The following SPTB variants were observed in gnomAD, a reference collection of about 807,000 sequenced individuals.
SPTB encodes the protein spectrin beta, erythrocytic, also known as spectrin beta chain, erythrocytic.
A neutral mutation model predicts 256.2 loss-of-function variants in SPTB; 45 were observed. The observed-to-expected ratio is 0.18, with a 90% CI of 0.14 to 0.23. SPTB has a LOEUF of 0.23. Ranked by LOEUF, SPTB falls within the 10% of genes least tolerant of loss-of-function variation. SPTB has a pLI of 1.00. For missense variants in SPTB, 2,715 were observed against 3,040.4 expected (o/e 0.89, Z 2.52); for synonymous variants, 1,231 against 1,243.1 (o/e 0.99, Z 0.21).
chr14:64,805,185 C>T lies in SPTB; in HGVS notation c.149-95G>A, dbSNP rs1220987986. 29 of 1,414,146 alleles carry T rather than the reference C, an allele frequency of 2.1e-5. No individual in the cohort carries two copies. The East Asian group carries it at 5.1e-4, about 25-fold the overall frequency. The allele number at this position is 1,414,146 out of a possible 1,614,324, so 87.6% of individuals were successfully genotyped here. On this transcript the variant is annotated intron_variant, in intron 2 of 35. Coordinates refer to ENST00000644917, the MANE Select transcript of SPTB (RefSeq NM_001355436.2). ...GTTTTACCTTAAGCCCAGGGTACCC[C>T]CATGCTTGGCAGAGGAAGTCGATGT...
At chr14:64,850,891 G>A (rs998231843) in intron 1 of SPTB, among the ~76,000 whole-genome samples, 12 of 152,184 alleles carry the variant, frequency 7.9e-5, no homozygotes, top group Non-Finnish European at 1.6e-4. Context: ...GGTGACAACT[G>A]AAGGACCAGC....
rs1238093921 is a variant in SPTB, at chr14:64,795,554, T to A, written c.1427A>T (p.Glu476Val). ...CAGGTCCTCCAGGGCTCTCACCCGC[T>A]CCTCGTAGGCAGCCGTGTCGGTCTC... Reference protein sequence around the residue: ...AIETDTAAYEERVRALEDLAQ... With the variant: ...AIETDTAAYEVRVRALEDLAQ... The change falls in exon 12 of 36, where the codon GAG becomes GTG. Residue 476 changes from glutamate to valine, a missense_variant. Physicochemically the swap from Glu to Val is moderately radical, Grantham distance 121. Transcript: ENST00000644917. This position sits in a 1 kb window ranked among gnomAD's most constrained non-coding sequence, Gnocchi z 6.5. 1 of 1,614,064 alleles carries A rather than the reference T, an allele frequency of 6.2e-7. No homozygotes were observed. Among genetic ancestry groups the A allele is most frequent in the Admixed American group, 1.7e-5 (1 of 60,006 alleles).
At position 64,802,198 on chromosome 14, in the gene SPTB, G is replaced by A; in HGVS notation, c.566+28C>T. ...GCGGAGCAAGGGGCTGGTGGTGGATGTGCTAACAGCTGGTTCCCAGGGCAT... is the reference window on the plus strand; with the variant it reads ...GCGGAGCAAGGGGCTGGTGGTGGATATGCTAACAGCTGGTTCCCAGGGCAT... On this transcript the variant is annotated intron_variant, in intron 5 of 35. Coordinates refer to ENST00000644917, the MANE Select transcript of SPTB (RefSeq NM_001355436.2). This position sits in a 1 kb window ranked among gnomAD's most constrained non-coding sequence, Gnocchi z 5.1. 1 of 1,606,556 alleles carries A rather than the reference G, an allele frequency of 6.2e-7. No homozygotes were observed. The highest frequency in any genetic ancestry group is 8.5e-7 in the Non-Finnish European group (1 of 1,173,080).
At position 64,799,734 on chromosome 14, in the gene SPTB, C is replaced by T. The variant is rs530419270; in HGVS notation, c.1064+13G>A. The T allele has an allele frequency of 1.9e-6, 3 of 1,613,932 alleles. No homozygotes were observed. The highest frequency in any genetic ancestry group is 2.5e-6 in the Non-Finnish European group (3 of 1,180,004). ...CCACTGAGGACCACCCTCCCATGTG[C>T]CAGGGCCCTTACTTGGGCGGCTTCT... On this transcript the variant is annotated intron_variant, in intron 9 of 35. Transcript: ENST00000644917.
At chr14:64,872,900 C>T (rs1465820048) in intron 1 of SPTB, among the ~76,000 whole-genome samples, 1 of 152,236 alleles carries the variant, frequency 6.6e-6, no homozygotes, top group Non-Finnish European at 1.5e-5. Context: ...CCTCCTTTGC[C>T]TTCTGCCATG....
rs1034883705 is a variant in SPTB, at chr14:64,866,680, C to T, written c.-52+13112G>A. 1.3e-5 allele frequency among the ~76,000 whole-genome samples: 2 copies of T among 152,008 alleles called. No homozygotes were observed. Among genetic ancestry groups the T allele is most frequent in the Non-Finnish European group, 2.9e-5 (2 of 68,004 alleles). The stretch of plus-strand genomic sequence containing the variant: ...CTCAGAGGCCTGAGCAAGCAGAATT[C>T]GGGTGAGTCCAGCCGTTGGTGAGGC... On this transcript the variant is annotated intron_variant, in intron 1 of 35. Coordinates refer to ENST00000644917, the MANE Select transcript of SPTB (RefSeq NM_001355436.2). The surrounding 1 kb of genome is among the most constrained non-coding windows in gnomAD (Gnocchi z 4.6).
rs767167668 is a variant in SPTB at position 64,785,829 on chromosome 14, C to T, written c.3684G>A (p.Val1228=). 1.2e-6 allele frequency: 2 copies of T among 1,614,080 alleles called. No individual in the cohort carries two copies. Among genetic ancestry groups the T allele is most frequent in the Non-Finnish European group, 1.7e-6 (2 of 1,180,028 alleles). ...CAGCTACCAGCTTGTTTCCAGAGTC[C>T]ACAGGACTCAAGACCTTATCCCGGT... ...ENNRDKVLSP[V]DSGNKLVAEG... The change falls in exon 17 of 36, where the codon GTG becomes GTA. Residue 1228 remains valine (V), a synonymous_variant. Transcript: ENST00000644917. The surrounding 1 kb of genome is among the most constrained non-coding windows in gnomAD (Gnocchi z 4.4).
chr14:64,784,533 G>T, intron 18 of SPTB, 140 bp from the exon 19 acceptor site: 2 of 1,160,016 alleles, frequency 1.7e-6, no homozygotes, highest in South Asian at 2.6e-5. Flanking sequence ...CTGCAGTTCT[G>T]GATCCCTCTG....
Position 64,879,856 on chromosome 14 carries a change from G to T in SPTB, c.-116C>A. The T allele has an allele frequency of 6.5e-6, 1 of 154,210 alleles. No homozygotes were observed. The highest frequency in any genetic ancestry group is 1.8e-4 in the South Asian group (1 of 5,548). 9.6% of individuals were successfully genotyped at this position (154,210 alleles called of 1,614,324 possible). ...GGTGGCGGCGGCGGCGGCGCAGGGG[G>T]AGGAGGGCAGCGCGGGGCTCCTGGC... is the stretch of plus-strand genomic sequence containing the variant. On this transcript the variant is annotated 5_prime_UTR_variant, in exon 1 of 36. Coordinates refer to ENST00000644917, the MANE Select transcript of SPTB (RefSeq NM_001355436.2).
chr14:64,778,581 G>A lies in SPTB; in HGVS notation c.4563+576C>T, dbSNP rs17102094. Among the ~76,000 whole-genome samples the A allele has an allele frequency of 0.021, 3,171 of 152,316 alleles. 128 individuals are homozygous for A. Among genetic ancestry groups the A allele is most frequent in the African/African-American group, 0.072 (2,980 of 41,566 alleles). ...CAGGATCCTGACCAGGGCCACAGGAGTTCCCAATCAGGGCTAAGCGAGTGC... is the reference window on the plus strand; with the variant it reads ...CAGGATCCTGACCAGGGCCACAGGAATTCCCAATCAGGGCTAAGCGAGTGC... On this transcript the variant is annotated intron_variant, in intron 22 of 35. Coordinates refer to ENST00000644917, the MANE Select transcript of SPTB (RefSeq NM_001355436.2). The surrounding 1 kb of genome is among the most constrained non-coding windows in gnomAD (Gnocchi z 5.2).
intron 32 of SPTB, chr14:64,756,028 A>G (rs2082012243): frequency 6.6e-6 from 1 of 152,252 alleles, no homozygotes; most frequent in South Asian, 2.1e-4. Context: ...TGGGGCGAAA[A>G]GATGGAGACA....
chr14:64,867,043 C>G (rs1490617159), intron 1 of SPTB, among the ~76,000 whole-genome samples: 2 of 152,140 alleles, frequency 1.3e-5, no homozygotes, highest in African/African-American at 4.8e-5. Context: ...ATAAATTTTT[C>G]TAGCAATAGA....
intron 2 of SPTB, among the ~76,000 whole-genome samples, chr14:64,812,699 A>G (rs1158363247): frequency 1.3e-5 from 2 of 151,962 alleles, no homozygotes; most frequent in Non-Finnish European, 2.9e-5. Flanking sequence ...TCCTGACGTC[A>G]CGGGCATCTG....
In SPTB at chr14:64,856,827, A is replaced by T. The variant is rs1289410841; in HGVS notation, c.-52+22965T>A. Among the ~76,000 whole-genome samples the T allele has an allele frequency of 9.2e-5, 14 of 152,370 alleles. No homozygotes were observed. In the East Asian group the frequency reaches 2.3e-3, roughly 25 times the overall value. On this transcript the variant is annotated intron_variant, in intron 1 of 35. Coordinates refer to ENST00000644917, the MANE Select transcript of SPTB (RefSeq NM_001355436.2). The stretch of plus-strand genomic sequence containing the variant: ...CCCCAAGTGTGGGAGAGCTGCTGTT[A>T]CAGGCCACAAGGAAGGATGGCTCCA...
At chr14:64,797,655 A>T in intron 10 of SPTB, 74 bp downstream of exon 10, 1 of 1,185,342 alleles carries the variant, frequency 8.4e-7, no homozygotes, top group Middle Eastern at 1.9e-4. Context: ...ATCTGGTCCA[A>T]TGACCATTCA....
At chr14:64,846,446 T>C (rs551515977) in intron 1 of SPTB, among the ~76,000 whole-genome samples, 2 of 152,224 alleles carry the variant, frequency 1.3e-5, no homozygotes, top group South Asian at 2.1e-4. Flanking sequence ...TGCACAGATA[T>C]AGAGAGAGAG....
At position 64,772,501 on chromosome 14, in the gene SPTB, C is replaced by T; in HGVS notation, c.5553+79G>A. 6 of 1,570,628 alleles carry T rather than the reference C, an allele frequency of 3.8e-6. No individual in the cohort carries two copies. Among genetic ancestry groups the T allele is most frequent in the Non-Finnish European group, 5.1e-6 (6 of 1,165,592 alleles). The stretch of plus-strand genomic sequence containing the variant: ...CCTGGCACTTATCCTAGAGGTTTTC[C>T]TGCTGACAGCCAGGTGGGGACTGAC... On this transcript the variant is annotated intron_variant, in intron 26 of 35. Coordinates refer to ENST00000644917, the MANE Select transcript of SPTB (RefSeq NM_001355436.2). The surrounding 1 kb of genome is among the most constrained non-coding windows in gnomAD (Gnocchi z 5.4).
In SPTB at chr14:64,845,558, C is replaced by G. The variant is rs2083677833; in HGVS notation, c.-51-22413G>C. On this transcript the variant is annotated intron_variant, in intron 1 of 35. Transcript: ENST00000644917. This position sits in a 1 kb window ranked among gnomAD's most constrained non-coding sequence, Gnocchi z 4.8. ...TCTTCTGAGCACTGCGTTGAACTCTCAAACTTAAAGTTTTACCAGACTATA... is the reference window on the plus strand; with the variant it reads ...TCTTCTGAGCACTGCGTTGAACTCTGAAACTTAAAGTTTTACCAGACTATA... Among the ~76,000 whole-genome samples the G allele has an allele frequency of 6.6e-6, 1 of 152,216 alleles. No homozygotes were observed.
Position 64,823,543 on chromosome 14 carries a change from A to G in SPTB, c.-51-398T>C, listed in dbSNP as rs229618. Among the ~76,000 whole-genome samples the G allele has an allele frequency of 0.35, 53,865 of 152,006 alleles. 12,281 individuals are homozygous for G. Among genetic ancestry groups the G allele is most frequent in the African/African-American group, 0.65 (26,868 of 41,424 alleles). On this transcript the variant is annotated intron_variant, in intron 1 of 35. Coordinates refer to ENST00000644917, the MANE Select transcript of SPTB (RefSeq NM_001355436.2). This position sits in a 1 kb window ranked among gnomAD's most constrained non-coding sequence, Gnocchi z 6.5. The stretch of plus-strand genomic sequence containing the variant: ...GAAAGCAACCCTCACCCTGAGGACT[A>G]GGCCAGGACCTAACCTGGTGGGGGA...
Sources: allele counts gnomAD v4.1 joint callset (sites outside exome capture counted in the v4.1 genomes callset), GRCh38; gene constraint gnomAD v4.1.1; non-coding constraint Gnocchi (gnomAD v3.1); transcripts MANE v1.5; gene names NCBI Gene and HGNC (gene_info 2026-07-23, HGNC 2026-07-21).